Variants in PTK2 observed in about 807,000 individuals in gnomAD.
PTK2 encodes the protein protein tyrosine kinase 2.
PTK2 carries 45 observed loss-of-function variants against 150.1 expected under a neutral mutation model. That is an observed-to-expected ratio of 0.30 (90% CI 0.24 to 0.38). The LOEUF (loss-of-function observed/expected upper bound fraction) is 0.38, where lower values mean the gene tolerates loss of function less well. Ranked by LOEUF, PTK2 falls within the 10% of genes least tolerant of loss-of-function variation. The pLI is 1.00. For missense variants in PTK2, 919 were observed against 1,307.3 expected, an observed-to-expected ratio of 0.70 and a Z score of 4.58; for synonymous variants, 432 against 449.2, an observed-to-expected ratio of 0.96 and a Z score of 0.48.
At chr8:140,719,976 T>C (rs2100042015) in intron 22 of PTK2, among the ~76,000 whole-genome samples, 1 of 151,180 alleles carries the variant, frequency 6.6e-6, no homozygotes, top group South Asian at 2.1e-4. Flanking sequence ...ACAAATGTTG[T>C]GATGAGCACT....
intron 2 of PTK2, among the ~76,000 whole-genome samples, chr8:140,897,215 G>T (rs1397331791): frequency 2.6e-5 from 4 of 152,172 alleles, no homozygotes; most frequent in African/African-American, 9.7e-5. Flanking sequence ...AATCAATGGT[G>T]AGATTCTCCA....
intron 11 of PTK2, 107 bp from the exon 12 acceptor site, chr8:140,800,683 A>G: frequency 1.3e-6 from 1 of 792,210 alleles, no homozygotes; most frequent in Non-Finnish European, 2.1e-6. Flanking sequence ...AACAGAGAAG[A>G]GTGGGAATGA....
chr8:140,749,750 T>C (rs558674022), intron 17 of PTK2, among the ~76,000 whole-genome samples: 107 of 152,304 alleles, frequency 7.0e-4, no homozygotes, highest in African/African-American at 2.5e-3. Context: ...TTCTCTTATA[T>C]ATAGCCTGGT....
intron 1 of PTK2, among the ~76,000 whole-genome samples, chr8:140,943,904 C>T (rs999472108): frequency 6.6e-6 from 1 of 152,112 alleles, no homozygotes; most frequent in Admixed American, 6.6e-5. Flanking sequence ...AATCTTTTGG[C>T]CACTTTTTCA....
intron 12 of PTK2, among the ~76,000 whole-genome samples, chr8:140,794,394 CCTT>C (rs991936854): frequency 6.6e-6 from 1 of 152,174 alleles, no homozygotes; most frequent in African/African-American, 2.4e-5. Flanking sequence ...ACTCTGGTGC[CCTT>C]CTAGGCAGCT....
At chr8:140,948,492 A>C (rs565608005) in intron 1 of PTK2, among the ~76,000 whole-genome samples, 24 of 152,346 alleles carry the variant, frequency 1.6e-4, no homozygotes, top group Middle Eastern at 3.4e-3. Context: ...GATATTGGTA[A>C]AATTACAACA....
intron 1 of PTK2, among the ~76,000 whole-genome samples, chr8:140,962,633 T>C (rs1206971823): frequency 6.6e-6 from 1 of 151,550 alleles, no homozygotes; most frequent in Non-Finnish European, 1.5e-5. Context: ...CTACTAAAAA[T>C]ACAAAAAATT....
intron 2 of PTK2, among the ~76,000 whole-genome samples, chr8:140,891,050 T>C (rs1457955254): frequency 1.3e-5 from 2 of 151,068 alleles, no homozygotes; most frequent in African/African-American, 4.9e-5. Context: ...AACAATGTAA[T>C]ACCCCCACCC....
At position 140,882,484 on chromosome 8, in the gene PTK2, C is replaced by T. The variant is rs73356506; in HGVS notation, c.196-2847G>A. On this transcript the variant is annotated intron_variant, in intron 3 of 31. Coordinates refer to ENST00000522684, the Ensembl canonical transcript of PTK2. Reference sequence around the variant, plus strand: ...GACTTTGAAGACACATCTATCTGGTCCTATGAAATACAAAACAATAATTGG... The same window carrying T: ...GACTTTGAAGACACATCTATCTGGTTCTATGAAATACAAAACAATAATTGG... Among the ~76,000 whole-genome samples, 635 of 152,214 alleles carry T rather than the reference C, an allele frequency of 4.2e-3. 9 individuals carry two copies. Among genetic ancestry groups the T allele is most frequent in the African/African-American group, 0.015 (603 of 41,538 alleles).
In PTK2 at chr8:140,743,741, T is replaced by A. The variant is rs1287427829; in HGVS notation, c.1635-411A>T. ...TCTGAAAACTTGTAAATGATTTTGC[T>A]GATGCAGCTTATTTTTTTAGATGCT... On this transcript the variant is annotated intron_variant, in intron 19 of 31. Coordinates refer to ENST00000522684, the Ensembl canonical transcript of PTK2. Among the ~76,000 whole-genome samples the A allele has an allele frequency of 2.0e-5, 3 of 151,978 alleles. No homozygotes were observed. In the South Asian group the frequency reaches 6.2e-4, roughly 31 times the overall value.
In PTK2 at chr8:140,820,076, G is replaced by GTT. The variant is rs370537018; in HGVS notation, c.649-1058_649-1057dup. 2.6e-3 allele frequency among the ~76,000 whole-genome samples: 132 copies of GTT among 50,242 alleles called. 16 individuals carry two copies. Among genetic ancestry groups the GTT allele is most frequent in the East Asian group, 3.8e-3 (6 of 1,572 alleles). The allele number at this position is 50,242 out of a possible 152,430, so 33.0% of individuals were successfully genotyped here. ...AGAGGAGTGACTTTATCTGACTTTG[G>GTT]TTTTTTTTTTTTTTTTTTTTTTTTT... On this transcript the variant is annotated intron_variant, in intron 8 of 31. Transcript: ENST00000522684.
intron 23 of PTK2, among the ~76,000 whole-genome samples, chr8:140,707,034 A>C (rs2154153527): frequency 6.6e-6 from 1 of 152,372 alleles, no homozygotes; most frequent in East Asian, 1.9e-4. Flanking sequence ...AGGGAATAAA[A>C]TACTGACACA....
At chr8:140,671,160 A>T (rs1253858067) in intron 29 of PTK2, among the ~76,000 whole-genome samples, 2 of 152,210 alleles carry the variant, frequency 1.3e-5, no homozygotes, top group Non-Finnish European at 1.5e-5. Context: ...CCTAGGAAAA[A>T]TTGAGACTGA....
intron 31 of PTK2, among the ~76,000 whole-genome samples, chr8:140,664,012 G>A (rs1249108523): frequency 6.6e-6 from 1 of 151,784 alleles, no homozygotes; most frequent in African/African-American, 2.4e-5. Flanking sequence ...TTCAGATGGA[G>A]TCTCACTCTG....
intron 2 of PTK2, among the ~76,000 whole-genome samples, chr8:140,895,912 A>T (rs1030327154): frequency 6.6e-6 from 1 of 152,192 alleles, no homozygotes; most frequent in African/African-American, 2.4e-5. Flanking sequence ...ACTTAAAAGC[A>T]GAACAAAATT....
chr8:140,945,557 T>C (rs1281928956), intron 1 of PTK2, among the ~76,000 whole-genome samples: 2 of 151,836 alleles, frequency 1.3e-5, no homozygotes, highest in Non-Finnish European at 2.9e-5. Context: ...CTCACTGTAC[T>C]ACAGCCTGGG....
intron 23 of PTK2, among the ~76,000 whole-genome samples, chr8:140,709,710 G>A (rs28505501): frequency 6.6e-6 from 1 of 152,190 alleles, no homozygotes; most frequent in Non-Finnish European, 1.5e-5. Flanking sequence ...TGGTAAGTAC[G>A]ATGAGTTAGC....
intron 20 of PTK2, among the ~76,000 whole-genome samples, chr8:140,742,408 C>T (rs183625917): frequency 1.3e-5 from 2 of 152,196 alleles, no homozygotes; most frequent in Non-Finnish European, 2.9e-5. Flanking sequence ...CGTGCAACTC[C>T]TGGGTCATAT....
At chr8:140,893,410 T>C (rs916920334) in intron 2 of PTK2, among the ~76,000 whole-genome samples, 1 of 152,170 alleles carries the variant, frequency 6.6e-6, no homozygotes, top group African/African-American at 2.4e-5. Context: ...CATCAATGGA[T>C]AAACAGATTA....
Sources: gnomAD v4.1 joint callset for allele counts (sites outside exome capture counted in the v4.1 genomes callset) on GRCh38, gnomAD v4.1.1 for gene constraint, MANE v1.5 for transcripts, NCBI Gene and HGNC (gene_info 2026-07-23, HGNC 2026-07-21) for gene names.